The following DMD variants were observed in gnomAD, a reference collection of about 807,000 sequenced individuals.
The protein encoded by DMD is dystrophin.
A neutral mutation model predicts 330.1 loss-of-function variants in DMD; 63 were observed. That is an observed-to-expected ratio of 0.19 (90% confidence interval 0.16 to 0.24). The LOEUF (loss-of-function observed/expected upper bound fraction) is 0.24. Ranked by LOEUF, DMD falls within the 10% of genes least tolerant of loss-of-function variation. The probability of loss-of-function intolerance (pLI) is 1.00; values close to 1 mark genes in which losing one functional copy is unlikely to be tolerated. For synonymous variants in DMD, 1,223 were observed against 959.8 expected, an observed-to-expected ratio of 1.27 and a Z score of -5.07; for missense variants, 3,344 against 2,684.1, an observed-to-expected ratio of 1.25 and a Z score of -5.43.
At chrX:32,989,685 T>C (rs1423390402) in intron 2 of DMD, among the ~76,000 whole-genome samples, 1 of 111,979 alleles carries the variant, frequency 8.9e-6, no homozygotes, top group Non-Finnish European at 1.9e-5. Context: ...AATACGTTCA[T>C]TTTCTTACCA....
At chrX:32,251,068 A>G (rs1012613488) in intron 43 of DMD, among the ~76,000 whole-genome samples, 1 of 110,425 alleles carries the variant, frequency 9.1e-6, no homozygotes, top group Non-Finnish European at 1.9e-5. Flanking sequence ...TAGGGATAGC[A>G]TTAGGAGAAA....
intron 51 of DMD, among the ~76,000 whole-genome samples, chrX:31,741,238 A>G (rs1269799063): frequency 8.9e-6 from 1 of 111,851 alleles, no homozygotes; most frequent in Non-Finnish European, 1.9e-5. Context: ...AACTACTTCC[A>G]AACTCCTGAT....
rs1264189631 is a variant in DMD at position 33,116,458 on chromosome X, A to G, written c.31+94824T>C. On this transcript the variant is annotated intron_variant, in intron 1 of 78. Transcript: ENST00000357033. ...CAGGAGGTCAAGGGTTCAGTCAGCC[A>G]TGATCGACCACTGCACTCCATCCTG... 2.7e-5 allele frequency among the ~76,000 whole-genome samples: 3 copies of G among 111,166 alleles called. No individual in the cohort carries two copies. The East Asian group carries it at 8.5e-4, about 32-fold the overall frequency.
At chrX:32,515,702 C>T (rs1040527405) in intron 18 of DMD, among the ~76,000 whole-genome samples, 1 of 111,434 alleles carries the variant, frequency 9.0e-6, no homozygotes, top group African/African-American at 3.3e-5. Context: ...AGATTGTGTC[C>T]TAGAATATTG....
At chrX:31,588,058 A>G (rs1021813625) in intron 55 of DMD, among the ~76,000 whole-genome samples, 1 of 111,795 alleles carries the variant, frequency 8.9e-6, no homozygotes, top group Non-Finnish European at 1.9e-5. Flanking sequence ...GGTCATCTGC[A>G]TATTAACAAG....
At position 31,267,105 on chromosome X, in the gene DMD, G is replaced by GAGAAAGAAAGAAAGAAAGAA. The variant is rs72467955; in HGVS notation, c.9225-6109_9225-6090dup. ...TTCAAAACGGAAAGGAAAAAGAAAA[G>GAGAAAGAAAGAAAGAAAGAA]AGAAAGAAAGAAAGAAAGAAAGAAA... On this transcript the variant is annotated intron_variant, in intron 62 of 78. Coordinates refer to ENST00000357033, the MANE Select transcript of DMD (RefSeq NM_004006.3). Among the ~76,000 whole-genome samples the GAGAAAGAAAGAAAGAAAGAA allele has an allele frequency of 5.4e-3, 570 of 105,879 alleles. 1 individual carries two copies. Among genetic ancestry groups the GAGAAAGAAAGAAAGAAAGAA allele is most frequent in the Non-Finnish European group, 9.9e-3 (503 of 50,968 alleles). The allele number at this position is 105,879 out of a possible 115,157, so 91.9% of individuals were successfully genotyped here.
At chrX:33,002,850 G>GAAAAAAAAAAAAAAAAAAAAAA (rs145168802) in intron 2 of DMD, among the ~76,000 whole-genome samples, 2 of 38,747 alleles carry the variant, frequency 5.2e-5, no homozygotes, top group Non-Finnish European at 8.6e-5. Context: ...TTTTTTTCTC[G>GAAAAAAAAAAAAAAAAAAAAAA]AAAAAAAAAA....
At chrX:32,868,199 CCA>C (rs1238460928) in intron 2 of DMD, among the ~76,000 whole-genome samples, 1 of 112,135 alleles carries the variant, frequency 8.9e-6, no homozygotes, top group Non-Finnish European at 1.9e-5. Context: ...CTTTCTTTTT[CCA>C]CAGATCTGTG....
chrX:31,504,418 A>G (rs1371749937), intron 56 of DMD, among the ~76,000 whole-genome samples: 1 of 112,102 alleles, frequency 8.9e-6, no homozygotes, highest in African/African-American at 3.2e-5. Flanking sequence ...TTTTTGAAAT[A>G]TAAGAGCAGT....
At chrX:31,678,025 C>T (rs969558843) in intron 53 of DMD, among the ~76,000 whole-genome samples, 6 of 112,159 alleles carry the variant, frequency 5.3e-5, no homozygotes, top group African/African-American at 1.6e-4. Context: ...ACAAGTGTCA[C>T]AAAATTGGAA....
intron 7 of DMD, among the ~76,000 whole-genome samples, chrX:32,768,782 G>C (rs1258669975): frequency 1.8e-5 from 2 of 112,111 alleles, no homozygotes; most frequent in African/African-American, 6.5e-5. Flanking sequence ...GAAGCTGATA[G>C]TTCCTAACTA....
chrX:32,899,374 G>C (rs1477774416), intron 2 of DMD, among the ~76,000 whole-genome samples: 3 of 111,264 alleles, frequency 2.7e-5, no homozygotes, highest in Admixed American at 9.7e-5. Flanking sequence ...ATCATAGAAA[G>C]TGTTTGTACT....
At chrX:32,260,493 G>A (rs1044314503) in intron 43 of DMD, among the ~76,000 whole-genome samples, 1 of 111,239 alleles carries the variant, frequency 9.0e-6, no homozygotes, top group African/African-American at 3.3e-5. Flanking sequence ...GATCTTAGGG[G>A]GACCTATAAT....
chrX:31,521,716 TTG>T (rs1162484556), intron 55 of DMD, among the ~76,000 whole-genome samples: 3 of 111,720 alleles, frequency 2.7e-5, no homozygotes, highest in African/African-American at 6.5e-5. Context: ...CTGCTTGAGT[TTG>T]TGATACGGTT....
intron 11 of DMD, among the ~76,000 whole-genome samples, chrX:32,615,896 C>A (rs2149356764): frequency 9.0e-6 from 1 of 111,523 alleles, no homozygotes; most frequent in Non-Finnish European, 1.9e-5. Flanking sequence ...TTCTGATTTC[C>A]TTAAACTATT....
At chrX:32,063,867 C>T (rs1315004306) in intron 44 of DMD, among the ~76,000 whole-genome samples, 1 of 111,023 alleles carries the variant, frequency 9.0e-6, no homozygotes, top group African/African-American at 3.3e-5. Context: ...ATTTCACAAA[C>T]TATATAAGTT....
intron 1 of DMD, among the ~76,000 whole-genome samples, chrX:33,298,249 A>G (rs976115461): frequency 1.8e-5 from 2 of 111,264 alleles, no homozygotes; most frequent in Non-Finnish European, 3.8e-5. Flanking sequence ...TAATAATCCC[A>G]TTTCATCCAG....
chrX:31,265,115 T>C (rs2050901254), intron 62 of DMD, among the ~76,000 whole-genome samples: 1 of 112,218 alleles, frequency 8.9e-6, no homozygotes, highest in African/African-American at 3.2e-5. Flanking sequence ...AACTAATCGC[T>C]ATGCAGCAAT....
chrX:32,212,793 G>T (rs781177330), intron 44 of DMD, among the ~76,000 whole-genome samples: 1 of 111,735 alleles, frequency 8.9e-6, no homozygotes, highest in Non-Finnish European at 1.9e-5. Flanking sequence ...GTAAAAAAAT[G>T]GGATATTTTT....
Sources: gnomAD v4.1 joint callset for allele counts (sites outside exome capture counted in the v4.1 genomes callset) on GRCh38, gnomAD v4.1.1 for gene constraint, MANE v1.5 for transcripts, NCBI Gene and HGNC (gene_info 2026-07-23, HGNC 2026-07-21) for gene names.